The following BAZ2B variants were observed in gnomAD, a reference collection of about 807,000 sequenced individuals.
BAZ2B encodes the protein bromodomain adjacent to zinc finger domain 2B.
Under a neutral mutation model 246.0 loss-of-function variants are expected in BAZ2B, and 91 were observed. The ratio of observed to expected loss-of-function variants is 0.37; its 90% CI spans 0.31 to 0.44. The LOEUF (loss-of-function observed/expected upper bound fraction) is 0.44, where lower values mean the gene tolerates loss of function less well. Ranked by LOEUF, BAZ2B falls within the 20% of genes least tolerant of loss-of-function variation. BAZ2B has a pLI of 1.00. For synonymous variants in BAZ2B, 855 were observed against 860.0 expected, an observed-to-expected ratio of 0.99 and a Z score of 0.10; for missense variants, 2,332 against 2,533.7, an observed-to-expected ratio of 0.92 and a Z score of 1.71.
At chr2:159,499,783 C>T (rs374127200) in intron 2 of BAZ2B, among the ~76,000 whole-genome samples, 68 of 152,202 alleles carry the variant, frequency 4.5e-4, no homozygotes, top group Middle Eastern at 3.4e-3. Flanking sequence ...TGATGTTGAG[C>T]TTTTTTTCAT....
chr2:159,326,657 G>C (rs2063753544), intron 34 of BAZ2B, among the ~76,000 whole-genome samples: 1 of 131,554 alleles, frequency 7.6e-6, no homozygotes, highest in Non-Finnish European at 1.9e-5. Context: ...GTGAGGCCCT[G>C]TTTTCTCACT....
chr2:159,567,211 C>A (rs1187848690), intron 1 of BAZ2B, among the ~76,000 whole-genome samples: 1 of 152,156 alleles, frequency 6.6e-6, no homozygotes, highest in Non-Finnish European at 1.5e-5. Context: ...CCACTGCACT[C>A]CAGCCTGGGC....
At position 159,478,577 on chromosome 2, in the gene BAZ2B, C is replaced by G; in HGVS notation, c.143G>C (p.Cys48Ser). 6.2e-7 allele frequency: 1 copy of G among 1,602,776 alleles called. No individual in the cohort carries two copies. Among genetic ancestry groups the G allele is most frequent in the Non-Finnish European group, 8.5e-7 (1 of 1,175,880 alleles). The change falls in exon 3 of 37, where the codon TGT (cysteine) becomes TCT (serine). Residue 48 changes from cysteine (C) to serine (S), a missense_variant and splice_region_variant. By Grantham distance (112) the Cys-to-Ser change is moderately radical (BLOSUM62 -1). Transcript: ENST00000392783. ...VASLSSTINP[C>S]GHLFRTAGDQ... ...TTGAGTTAAAAAAGGGTATTCACCACATGGGTTGATTGTAGAGCTAAGTGA... is the reference window on the plus strand; with the variant it reads ...TTGAGTTAAAAAAGGGTATTCACCAGATGGGTTGATTGTAGAGCTAAGTGA...
intron 20 of BAZ2B, among the ~76,000 whole-genome samples, chr2:159,391,895 G>A (rs543253055): frequency 6.6e-6 from 1 of 152,256 alleles, no homozygotes; most frequent in South Asian, 2.1e-4. Context: ...TGGAAATGTG[G>A]AGTCTCTCAA....
rs140248979 is a variant in BAZ2B, at chr2:159,598,774, G to A, written c.-46+17468C>T. ...GAGGCTGAAGGAGTTGCTTGAACCC[G>A]GGAGGCAGAGGTTGCAGTGTGCCAA... On this transcript the variant is annotated intron_variant, in intron 1 of 36. Transcript: ENST00000392783. Among the ~76,000 whole-genome samples the A allele has an allele frequency of 1.3e-4, 20 of 152,076 alleles. No individual in the cohort carries two copies. In the East Asian group the frequency reaches 3.3e-3, roughly 25 times the overall value.
At chr2:159,542,263 T>C (rs1454894568) in intron 2 of BAZ2B, among the ~76,000 whole-genome samples, 1 of 151,994 alleles carries the variant, frequency 6.6e-6, no homozygotes, top group Non-Finnish European at 1.5e-5. Context: ...GTAGAAACAA[T>C]GTTTGAAAAA....
intron 1 of BAZ2B, among the ~76,000 whole-genome samples, chr2:159,574,140 CAT>C (rs200066210): frequency 0.073 from 7,172 of 98,568 alleles, 178 homozygotes; most frequent in East Asian, 0.26. Context: ...CACACACACA[CAT>C]ACACACACAC....
At chr2:159,317,207 G>A (rs2062216744), downstream of BAZ2B, among the ~76,000 whole-genome samples, 1 of 152,170 alleles carries the variant, frequency 6.6e-6, no homozygotes, top group African/African-American at 2.4e-5. Flanking sequence ...TGTTGAGGAT[G>A]TGTTTAAAGG....
intron 6 of BAZ2B, among the ~76,000 whole-genome samples, chr2:159,445,202 A>G (rs1049185050): frequency 3.3e-5 from 5 of 151,988 alleles, no homozygotes; most frequent in Non-Finnish European, 7.4e-5. Context: ...CCTGGAACCA[A>G]TGATAAGAGC....
chr2:159,566,541 C>A lies in BAZ2B; in HGVS notation c.-45-10676G>T, dbSNP rs78447319. Among the ~76,000 whole-genome samples the A allele has an allele frequency of 4.5e-3, 681 of 152,266 alleles. 10 individuals carry two copies. Among genetic ancestry groups the A allele is most frequent in the South Asian group, 0.016 (79 of 4,830 alleles). On this transcript the variant is annotated intron_variant, in intron 1 of 36. Transcript: ENST00000392783. ...ATTTCTGTTTTTGAATTTTCAGTATCCCTGAATTCTATAATTCACCACCTT... is the reference window on the plus strand; with the variant it reads ...ATTTCTGTTTTTGAATTTTCAGTATACCTGAATTCTATAATTCACCACCTT...
intron 27 of BAZ2B, among the ~76,000 whole-genome samples, chr2:159,356,337 G>C (rs1367232101): frequency 3.9e-5 from 6 of 152,192 alleles, no homozygotes; most frequent in Admixed American, 3.9e-4. Flanking sequence ...GGCTTGGGTA[G>C]GCCGTTTTCC....
chr2:159,318,274 T>G (rs1436790779), downstream of BAZ2B, among the ~76,000 whole-genome samples: 4 of 152,192 alleles, frequency 2.6e-5, no homozygotes, highest in Non-Finnish European at 5.9e-5. Flanking sequence ...CTACAAAGCA[T>G]TTTTGCTTAA....
rs746089713 is a variant in BAZ2B at position 159,337,018 on chromosome 2, C to T, written c.5720G>A (p.Arg1907His). 9.9e-6 allele frequency: 16 copies of T among 1,611,550 alleles called. No individual in the cohort carries two copies. Among genetic ancestry groups the T allele is most frequent in the South Asian group, 6.6e-5 (6 of 91,016 alleles). Residue 1907 changes from arginine to histidine, a missense_variant, in exon 33 of 37, where the codon CGC becomes CAC. Transcript: ENST00000392783. ...GCACAGAGCTACCTGTGCAGCACTG[C>T]GAGCTTCTGATAATGCCCTTCTCCA... The part of the protein sequence containing the change: ...RVWRRALSEA[R>H]SAAQVALCIQ...
In BAZ2B at chr2:159,386,527, G is replaced by A. The variant is rs1286679362; in HGVS notation, c.3297C>T (p.Phe1099=). The change falls in exon 22 of 37, where the codon TTC becomes TTT. Residue 1099 remains phenylalanine (F), a synonymous_variant. Transcript: ENST00000392783. ...CCAAAACTTTACCAAAGTTTCGTAA[G>A]AACTGCACCACCATGAGACAGTCTG... The part of the protein sequence containing the change: ...TFSDCLMVVQ[F]LRNFGKVLGF... The A allele has an allele frequency of 6.2e-7, 1 of 1,613,516 alleles. No homozygotes were observed. Among genetic ancestry groups the A allele is most frequent in the South Asian group, 1.1e-5 (1 of 91,064 alleles).
upstream of BAZ2B, among the ~76,000 whole-genome samples, chr2:159,617,432 C>G (rs925547612): frequency 4.7e-4 from 71 of 151,960 alleles, 1 homozygote; most frequent in African/African-American, 1.6e-3. Context: ...TTTTTAAAAG[C>G]CTTAATCTTG....
At chr2:159,325,611 G>A in intron 35 of BAZ2B, 42 bp downstream of exon 35, 1 of 1,537,656 alleles carries the variant, frequency 6.5e-7, no homozygotes, top group Admixed American at 2.4e-5. Flanking sequence ...CAAATAAAAT[G>A]GGGCATTATA....
the BAZ2B span, among the ~76,000 whole-genome samples, chr2:159,672,523 TG>T: frequency 6.6e-6 from 1 of 152,190 alleles, no homozygotes; most frequent in Non-Finnish European, 1.5e-5. Context: ...TACAGAATCC[TG>T]GGGCCTTAGA....
At chr2:159,568,678 G>A (rs1374724014) in intron 1 of BAZ2B, among the ~76,000 whole-genome samples, 1 of 152,174 alleles carries the variant, frequency 6.6e-6, no homozygotes, top group South Asian at 2.1e-4. Flanking sequence ...TGGACTGAAC[G>A]GGCAATATGT....
At chr2:159,443,881 T>C (rs1402737600) in intron 6 of BAZ2B, among the ~76,000 whole-genome samples, 1 of 152,188 alleles carries the variant, frequency 6.6e-6, no homozygotes, top group Admixed American at 6.5e-5. Context: ...GTACAGGAAC[T>C]GTGTCATATT....
Sources: gnomAD v4.1 joint callset for allele counts (sites outside exome capture counted in the v4.1 genomes callset) on GRCh38, gnomAD v4.1.1 for gene constraint, MANE v1.5 for transcripts, NCBI Gene and HGNC (gene_info 2026-07-23, HGNC 2026-07-21) for gene names.